DCC: variants seen among roughly 807,000 people sequenced by gnomAD.
DCC encodes netrin receptor DCC.
In DCC, 58 loss-of-function variants were observed where a neutral mutation model predicts 172.5. That is an observed-to-expected ratio of 0.34 (90% CI 0.27 to 0.42). DCC has a LOEUF of 0.42. Ranked by LOEUF, DCC falls within the 10% of genes least tolerant of loss-of-function variation. The probability of loss-of-function intolerance (pLI) is 1.00; values close to 1 mark genes in which losing one functional copy is unlikely to be tolerated. For synonymous variants in DCC, 709 were observed against 644.5 expected (o/e 1.10, Z -1.52); for missense variants, 1,740 against 1,791.0 (o/e 0.97, Z 0.51).
chr18:52,581,164 A>G (rs1598929880), intron 1 of DCC, among the ~76,000 whole-genome samples: 1 of 146,816 alleles, frequency 6.8e-6, no homozygotes, highest in African/African-American at 2.4e-5. Context: ...ACACACACAA[A>G]CATCTCTTTC....
intron 24 of DCC, among the ~76,000 whole-genome samples, chr18:53,459,774 TAAAC>T (rs2045528526): frequency 6.6e-6 from 1 of 152,148 alleles, no homozygotes; most frequent in African/African-American, 2.4e-5. Context: ...TGTTAATTGT[TAAAC>T]AAATGTTTTG....
At chr18:52,649,360 G>A (rs2035081073) in intron 1 of DCC, among the ~76,000 whole-genome samples, 2 of 126,950 alleles carry the variant, frequency 1.6e-5, no homozygotes, top group African/African-American at 5.8e-5. Context: ...GTGACAGAGT[G>A]AGATTCCGTA....
intron 2 of DCC, among the ~76,000 whole-genome samples, chr18:52,800,646 A>C (rs1568112526): frequency 6.6e-6 from 1 of 152,204 alleles, no homozygotes; most frequent in Non-Finnish European, 1.5e-5. Flanking sequence ...GATGTTGCAT[A>C]CTTATGAATC....
At chr18:52,640,585 A>G (rs967687822) in intron 1 of DCC, among the ~76,000 whole-genome samples, 4 of 152,156 alleles carry the variant, frequency 2.6e-5, no homozygotes, top group African/African-American at 9.7e-5. Flanking sequence ...TGGAGAATCA[A>G]ATCAAGAACT....
chr18:52,374,251 AAG>A (rs1485979089), intron 1 of DCC, among the ~76,000 whole-genome samples: 1 of 152,100 alleles, frequency 6.6e-6, no homozygotes, highest in African/African-American at 2.4e-5. Context: ...GTAGAACCTA[AAG>A]AGAGTGAATA....
In DCC at chr18:53,533,462, G is replaced by A. The variant is rs754811849; in HGVS notation, c.*2809G>A. On this transcript the variant is annotated 3_prime_UTR_variant, in exon 29 of 29. Coordinates refer to ENST00000442544, the MANE Select transcript of DCC (RefSeq NM_005215.4). ...GCCCTGTAATGTGCTTAAATGTCAGGCAACATCCTCTTTTTTTTAAAAAAA... is the reference window on the plus strand; with the variant it reads ...GCCCTGTAATGTGCTTAAATGTCAGACAACATCCTCTTTTTTTTAAAAAAA... The A allele has an allele frequency of 2.2e-4, 34 of 152,046 alleles. No homozygotes were observed. The highest frequency in any genetic ancestry group is 5.9e-4 in the Admixed American group (9 of 15,246). The allele number at this position is 152,046 out of a possible 1,614,324, so 9.4% of individuals were successfully genotyped here.
chr18:53,002,379 A>G (rs1287036199), intron 5 of DCC, among the ~76,000 whole-genome samples: 4 of 152,140 alleles, frequency 2.6e-5, no homozygotes, highest in Non-Finnish European at 5.9e-5. Context: ...ACAGAAATTC[A>G]CCTGACAATA....
intron 5 of DCC, among the ~76,000 whole-genome samples, chr18:52,962,670 G>A (rs980031763): frequency 7.9e-5 from 12 of 151,816 alleles, no homozygotes; most frequent in African/African-American, 2.9e-4. Context: ...GTTTATTGCG[G>A]CACTATTCAC....
chr18:53,373,847 G>A (rs2058084219), intron 15 of DCC, among the ~76,000 whole-genome samples: 1 of 151,534 alleles, frequency 6.6e-6, no homozygotes, highest in African/African-American at 2.4e-5. Flanking sequence ...GGAATTGAAT[G>A]AGATAAGGCA....
chr18:52,657,673 C>T (rs530574117), intron 1 of DCC, among the ~76,000 whole-genome samples: 42 of 152,198 alleles, frequency 2.8e-4, no homozygotes, highest in African/African-American at 7.5e-4. Context: ...AAGAGATGCA[C>T]GTCCTAATCC....
chr18:53,065,648 C>CT (rs927351230), intron 6 of DCC, among the ~76,000 whole-genome samples: 13 of 152,176 alleles, frequency 8.5e-5, no homozygotes, highest in African/African-American at 2.9e-4. Context: ...TATACCCTTT[C>CT]TTTTTTTTCC....
At chr18:53,526,412 C>A (rs1192728169) in intron 27 of DCC, among the ~76,000 whole-genome samples, 2 of 152,100 alleles carry the variant, frequency 1.3e-5, no homozygotes, top group Non-Finnish European at 2.9e-5. Flanking sequence ...AGTGGAGCTG[C>A]ATCTGGAGAA....
chr18:52,438,526 C>T (rs1042647269), intron 1 of DCC, among the ~76,000 whole-genome samples: 2 of 152,140 alleles, frequency 1.3e-5, no homozygotes, highest in Admixed American at 6.5e-5. Context: ...AAAATTTTAT[C>T]ACTAATTGTT....
intron 12 of DCC, among the ~76,000 whole-genome samples, chr18:53,259,830 T>C (rs1348583701): frequency 2.0e-5 from 3 of 152,200 alleles, no homozygotes; most frequent in Non-Finnish European, 2.9e-5. Flanking sequence ...CCATTCTCCC[T>C]GTCACTTTCA....
At chr18:53,047,997 C>G (rs2042279951) in intron 5 of DCC, among the ~76,000 whole-genome samples, 2 of 151,460 alleles carry the variant, frequency 1.3e-5, no homozygotes, top group Non-Finnish European at 2.9e-5. Context: ...TTAGCTTGCT[C>G]ATTTATAATT....
chr18:53,386,800 G>C (rs1286208126), intron 16 of DCC, among the ~76,000 whole-genome samples: 1 of 152,112 alleles, frequency 6.6e-6, no homozygotes, highest in East Asian at 1.9e-4. Context: ...GAAAGAAATG[G>C]GTAAGATGGT....
intron 27 of DCC, among the ~76,000 whole-genome samples, chr18:53,523,747 G>A (rs2046425108): frequency 6.6e-6 from 1 of 151,946 alleles, no homozygotes; most frequent in Non-Finnish European, 1.5e-5. Flanking sequence ...ATCACACACT[G>A]GGCCTGTCGG....
intron 27 of DCC, among the ~76,000 whole-genome samples, chr18:53,504,489 T>C (rs2046144905): frequency 1.3e-5 from 2 of 152,218 alleles, no homozygotes; most frequent in South Asian, 4.1e-4. Flanking sequence ...CATCTAAGTT[T>C]CATCTCATGT....
intron 5 of DCC, among the ~76,000 whole-genome samples, chr18:53,025,771 A>G (rs953554844): frequency 1.9e-4 from 29 of 149,072 alleles, no homozygotes; most frequent in African/African-American, 3.5e-4. Context: ...AGAGAATGGC[A>G]GATTTAATGG....
Sources: allele counts gnomAD v4.1 joint callset (sites outside exome capture counted in the v4.1 genomes callset), GRCh38; gene constraint gnomAD v4.1.1; transcripts MANE v1.5; gene names NCBI Gene and HGNC (gene_info 2026-07-23, HGNC 2026-07-21).